CERS4: variants seen among roughly 807,000 people sequenced by gnomAD.
CERS4 encodes LAG1 homolog, ceramide synthase 4.
A neutral mutation model predicts 51.8 loss-of-function variants in CERS4; 65 were observed. The ratio of observed to expected loss-of-function variants is 1.26; its 90% CI spans 1.03 to 1.54. The LOEUF is 1.54. Ranked by LOEUF, CERS4 falls within the 40% of genes most tolerant of loss-of-function variation. The pLI is 0.00. For synonymous variants in CERS4, 228 were observed against 208.4 expected (o/e 1.09, Z -0.81); for missense variants, 563 against 500.4 (o/e 1.13, Z -1.19).
At chr19:8,215,148 T>G (rs1246095367) in intron 2 of CERS4, among the ~76,000 whole-genome samples, 1 of 151,634 alleles carries the variant, frequency 6.6e-6, no homozygotes, top group African/African-American at 2.4e-5. Context: ...GCAGGGATGG[T>G]AGCCTCGATC....
At chr19:8,256,077 G>C (rs538959765) in intron 6 of CERS4, 159 bp from the exon 7 acceptor site, 32 of 953,756 alleles carry the variant, frequency 3.4e-5, no homozygotes, top group Admixed American at 3.3e-4. Context: ...GGGTTCTGCA[G>C]TGAATGAGCC....
chr19:8,215,113 T>C (rs1967244411), intron 2 of CERS4, among the ~76,000 whole-genome samples: 1 of 150,814 alleles, frequency 6.6e-6, no homozygotes, highest in African/African-American at 2.4e-5. Context: ...CGTTCTCAGA[T>C]AGGTGATGGG....
At chr19:8,256,863 C>G (rs1568538144) in intron 8 of CERS4, 86 bp from the exon 9 acceptor site, 1 of 1,604,550 alleles carries the variant, frequency 6.2e-7, no homozygotes, top group Admixed American at 1.7e-5. Flanking sequence ...CACCAACCCC[C>G]TGAAAGGACC....
intron 4 of CERS4, among the ~76,000 whole-genome samples, chr19:8,255,264 G>T (rs1436271447): frequency 1.3e-5 from 2 of 152,158 alleles, no homozygotes; most frequent in African/African-American, 4.8e-5. Flanking sequence ...CTGGGGCAAG[G>T]TCTCAACTGC....
At chr19:8,215,028 G>T (rs948233327) in intron 2 of CERS4, among the ~76,000 whole-genome samples, 1 of 150,614 alleles carries the variant, frequency 6.6e-6, no homozygotes, top group African/African-American at 2.4e-5. Flanking sequence ...AGGAAGAGGA[G>T]GGGGAGGACG....
At chr19:8,245,242 TA>T (rs1458955785) in intron 2 of CERS4, among the ~76,000 whole-genome samples, 16 of 151,888 alleles carry the variant, frequency 1.1e-4, no homozygotes, top group Non-Finnish European at 2.1e-4. Context: ...TATATATTTT[TA>T]TTTTTTATTG....
intron 10 of CERS4, among the ~76,000 whole-genome samples, chr19:8,260,727 A>G (rs1014656667): frequency 6.6e-6 from 1 of 151,576 alleles, no homozygotes; most frequent in African/African-American, 2.4e-5. Context: ...AGGTGAACAG[A>G]TCACTTGAGG....
intron 2 of CERS4, among the ~76,000 whole-genome samples, chr19:8,245,739 C>T (rs946053673): frequency 2.0e-5 from 3 of 150,640 alleles, no homozygotes; most frequent in African/African-American, 4.9e-5. Context: ...GGGGTTTCAC[C>T]GTGTTGGCCA....
intron 8 of CERS4, 86 bp from the exon 9 acceptor site, chr19:8,256,863 C>T (rs1568538144): frequency 1.2e-6 from 2 of 1,604,550 alleles, no homozygotes; most frequent in Non-Finnish European, 1.7e-6. Flanking sequence ...CACCAACCCC[C>T]TGAAAGGACC....
intron 2 of CERS4, chr19:8,238,602 C>T (rs1178211524): frequency 2.2e-5 from 22 of 985,094 alleles, no homozygotes; most frequent in Non-Finnish European, 2.7e-5. Context: ...CCACAGCAGG[C>T]ACCAGGCCAG....
intron 2 of CERS4, among the ~76,000 whole-genome samples, chr19:8,221,316 C>T (rs776988281): frequency 6.6e-6 from 1 of 152,162 alleles, no homozygotes; most frequent in East Asian, 1.9e-4. Flanking sequence ...TGGTAACCTC[C>T]CCTTGAATCT....
intron 2 of CERS4, among the ~76,000 whole-genome samples, chr19:8,223,972 C>T (rs117917949): frequency 2.0e-5 from 3 of 150,802 alleles, no homozygotes; most frequent in Non-Finnish European, 4.4e-5. Context: ...CATCATGGTG[C>T]GTGTCTGTAG....
chr19:8,243,036 G>A (rs2145254438), intron 2 of CERS4, among the ~76,000 whole-genome samples: 1 of 151,280 alleles, frequency 6.6e-6, no homozygotes, highest in East Asian at 2.0e-4. Flanking sequence ...CTGCACCTTG[G>A]GGTCTGTCAG....
At chr19:8,216,899 C>T (rs1430676133) in intron 2 of CERS4, among the ~76,000 whole-genome samples, 1 of 152,034 alleles carries the variant, frequency 6.6e-6, no homozygotes, top group Non-Finnish European at 1.5e-5. Context: ...GGGTCCAAGT[C>T]CCAGACTCTA....
chr19:8,213,601 C>T (rs1319857280), intron 2 of CERS4, among the ~76,000 whole-genome samples: 1 of 152,170 alleles, frequency 6.6e-6, no homozygotes, highest in African/African-American at 2.4e-5. Context: ...AGCCACTGTG[C>T]CTGGCCAAGC....
rs1167189131 is a variant in CERS4 at position 8,262,248 on chromosome 19, T to C, written c.*139T>C. The C allele has an allele frequency of 2.2e-6, 2 of 909,052 alleles. No individual in the cohort carries two copies. The highest frequency in any genetic ancestry group is 5.2e-5 in the South Asian group (2 of 38,724). The allele number at this position is 909,052 out of a possible 1,614,324, so 56.3% of individuals were successfully genotyped here. Reference sequence around the variant, plus strand: ...GGGGTGGGTGGGAAGGCTGATGATCTGTCTCCAGCCCCTTCCTTCTGCCCA... The same window carrying C: ...GGGGTGGGTGGGAAGGCTGATGATCCGTCTCCAGCCCCTTCCTTCTGCCCA... On this transcript the variant is annotated 3_prime_UTR_variant, in exon 12 of 12. Coordinates refer to ENST00000251363, the MANE Select transcript of CERS4 (RefSeq NM_024552.3).
chr19:8,230,266 TCCAGCCTCTGCCTC>T (rs561827564), intron 2 of CERS4, among the ~76,000 whole-genome samples: 27 of 151,956 alleles, frequency 1.8e-4, no homozygotes, highest in Admixed American at 3.9e-4. Context: ...CTCGGCTCAC[TCCAGCCTCTGCCTC>T]CCAGGTTCAC....
At chr19:8,221,870 A>ATTT (rs1568501097) in intron 2 of CERS4, among the ~76,000 whole-genome samples, 98 of 31,718 alleles carry the variant, frequency 3.1e-3, no homozygotes, top group South Asian at 6.4e-3. Context: ...TTATTTTTTT[A>ATTT]TGTTTTTTTT....
intron 2 of CERS4, among the ~76,000 whole-genome samples, chr19:8,244,302 G>A (rs1306678945): frequency 6.6e-6 from 1 of 152,330 alleles, no homozygotes; most frequent in East Asian, 1.9e-4. Flanking sequence ...GCTGCAGTGA[G>A]CTATGATTGC....
Sources: allele counts gnomAD v4.1 joint callset (sites outside exome capture counted in the v4.1 genomes callset), GRCh38; gene constraint gnomAD v4.1.1; transcripts MANE v1.5; gene names NCBI Gene and HGNC (gene_info 2026-07-23, HGNC 2026-07-21).